The following CACNA2D1 variants were observed in gnomAD, a reference collection of about 807,000 sequenced individuals.
CACNA2D1 encodes the protein voltage-dependent calcium channel subunit alpha-2/delta-1.
Under a neutral mutation model 171.5 loss-of-function variants are expected in CACNA2D1, and 53 were observed. The ratio of observed to expected loss-of-function variants is 0.31; its 90% CI spans 0.25 to 0.39. The LOEUF (loss-of-function observed/expected upper bound fraction) is 0.39, where lower values mean the gene tolerates loss of function less well. CACNA2D1 is among the 10% of genes least tolerant of loss of function. The probability of loss-of-function intolerance (pLI) is 1.00; values close to 1 mark genes in which losing one functional copy is unlikely to be tolerated. For synonymous variants in CACNA2D1, 442 were observed against 443.1 expected, an observed-to-expected ratio of 1.00 and a Z score of 0.03; for missense variants, 903 against 1,299.8, an observed-to-expected ratio of 0.69 and a Z score of 4.69.
intron 5 of CACNA2D1, 86 bp downstream of exon 5, chr7:82,136,549 A>T: frequency 9.5e-7 from 1 of 1,048,898 alleles, no homozygotes; most frequent in Admixed American, 2.3e-5. Context: ...TTAAAAACTA[A>T]AACTGCTAGC....
At chr7:81,964,405 G>C (rs1341076902) in intron 32 of CACNA2D1, 46 bp from the exon 33 acceptor site, 2 of 1,516,202 alleles carry the variant, frequency 1.3e-6, no homozygotes, top group Non-Finnish European at 1.8e-6. Context: ...TAAAATGTAA[G>C]CCAAAAATGA....
intron 10 of CACNA2D1, among the ~76,000 whole-genome samples, chr7:82,053,642 C>T (rs1805479883): frequency 6.6e-6 from 1 of 152,154 alleles, no homozygotes. Flanking sequence ...TAATACGTAT[C>T]TCCAGAAGCA....
At chr7:82,133,904 C>G (rs1414243730) in intron 5 of CACNA2D1, among the ~76,000 whole-genome samples, 1 of 152,084 alleles carries the variant, frequency 6.6e-6, no homozygotes, top group South Asian at 2.1e-4. Context: ...AACCCCTTCT[C>G]TACTAAAAAA....
intron 25 of CACNA2D1, among the ~76,000 whole-genome samples, chr7:81,972,969 G>A (rs1795447786): frequency 6.6e-6 from 1 of 151,842 alleles, no homozygotes; most frequent in Middle Eastern, 3.2e-3. Flanking sequence ...TTTAGAAACT[G>A]AATCATTTAA....
At chr7:82,171,028 T>C (rs1024775809) in intron 3 of CACNA2D1, among the ~76,000 whole-genome samples, 5 of 152,060 alleles carry the variant, frequency 3.3e-5, no homozygotes, top group Admixed American at 2.6e-4. Context: ...CTAAACAATA[T>C]ACTAGGCACC....
intron 5 of CACNA2D1, among the ~76,000 whole-genome samples, chr7:82,135,140 T>A (rs1584873344): frequency 6.6e-6 from 1 of 152,010 alleles, no homozygotes; most frequent in Non-Finnish European, 1.5e-5. Context: ...CAATCCTTAA[T>A]TGGAGGATTG....
intron 3 of CACNA2D1, among the ~76,000 whole-genome samples, chr7:82,220,740 A>G (rs1585135908): frequency 1.3e-5 from 2 of 152,004 alleles, no homozygotes; most frequent in Middle Eastern, 3.4e-3. Flanking sequence ...TGATGCTACA[A>G]TAAAACTCGA....
chr7:82,114,582 A>C (rs1450552149), intron 6 of CACNA2D1, among the ~76,000 whole-genome samples: 1 of 151,858 alleles, frequency 6.6e-6, no homozygotes, highest in Non-Finnish European at 1.5e-5. Context: ...GTCTCTACTA[A>C]ATACAAAAAA....
intron 3 of CACNA2D1, among the ~76,000 whole-genome samples, chr7:82,179,298 A>T (rs1213405314): frequency 2.0e-5 from 3 of 152,052 alleles, no homozygotes; most frequent in African/African-American, 7.2e-5. Context: ...GGAAGGAATC[A>T]CTGTGGAGAA....
At chr7:82,091,194 G>A (rs1458317794) in intron 6 of CACNA2D1, among the ~76,000 whole-genome samples, 1 of 152,184 alleles carries the variant, frequency 6.6e-6, no homozygotes, top group African/African-American at 2.4e-5. Context: ...GTAAATGAAA[G>A]ATGAATAAGG....
At chr7:82,128,411 G>A (rs258692) in intron 5 of CACNA2D1, among the ~76,000 whole-genome samples, 42,375 of 151,964 alleles carry the variant, frequency 0.28, 6,068 homozygotes, top group East Asian at 0.43. Context: ...TGCTCTAAGT[G>A]GAGGAACGTA....
At chr7:82,319,176 ATTG>A (rs1408148621) in intron 3 of CACNA2D1, among the ~76,000 whole-genome samples, 2 of 152,214 alleles carry the variant, frequency 1.3e-5, no homozygotes, top group Non-Finnish European at 1.5e-5. Flanking sequence ...CACATAAAAA[ATTG>A]TTATTAAGAC....
At chr7:82,288,028 G>T (rs1238035347) in intron 3 of CACNA2D1, among the ~76,000 whole-genome samples, 2 of 147,570 alleles carry the variant, frequency 1.4e-5, no homozygotes, top group Middle Eastern at 6.5e-3. Context: ...TTTTAGTAGA[G>T]ATGGGGTTTC....
intron 1 of CACNA2D1, among the ~76,000 whole-genome samples, chr7:82,428,088 T>C: frequency 7.2e-6 from 1 of 138,736 alleles, no homozygotes; most frequent in South Asian, 2.2e-4. Flanking sequence ...ATCTTGTCTT[T>C]AAAAAAATAA....
intron 7 of CACNA2D1, among the ~76,000 whole-genome samples, chr7:82,074,743 G>A (rs1391605520): frequency 6.6e-6 from 1 of 151,956 alleles, no homozygotes; most frequent in Non-Finnish European, 1.5e-5. Context: ...TAATTACACT[G>A]ATCTAATCAA....
chr7:82,355,410 T>C (rs1293149620), intron 1 of CACNA2D1, among the ~76,000 whole-genome samples: 1 of 152,156 alleles, frequency 6.6e-6, no homozygotes, highest in Non-Finnish European at 1.5e-5. Context: ...TTGTTAGAAA[T>C]GTATATTCCC....
intron 3 of CACNA2D1, among the ~76,000 whole-genome samples, chr7:82,270,851 T>C (rs751883999): frequency 3.3e-5 from 5 of 152,166 alleles, no homozygotes; most frequent in Non-Finnish European, 7.4e-5. Flanking sequence ...TATTTCATTA[T>C]GTCCTTTGTC....
rs80020757 is a variant in CACNA2D1, at chr7:82,207,528, TA to T, written c.295-36920del. Reference sequence around the variant, plus strand: ...TGTTTGATTAGAGAAGATTTGAGGTTAAAAAAAAAAAAGTATGCATTACTGT... The same window carrying T: ...TGTTTGATTAGAGAAGATTTGAGGTTAAAAAAAAAAAGTATGCATTACTGT... On this transcript the variant is annotated intron_variant, in intron 3 of 38. Transcript: ENST00000356860. 5.1e-3 allele frequency among the ~76,000 whole-genome samples: 738 copies of T among 145,754 alleles called. 2 individuals are homozygous for T. Among genetic ancestry groups the T allele is most frequent in the East Asian group, 0.011 (53 of 5,022 alleles).
chr7:82,224,281 T>G (rs2129260772), intron 3 of CACNA2D1, among the ~76,000 whole-genome samples: 1 of 152,242 alleles, frequency 6.6e-6, no homozygotes, highest in Middle Eastern at 3.4e-3. Flanking sequence ...TATCAGAAAC[T>G]TAAAAATAAG....
Sources: allele counts gnomAD v4.1 joint callset (sites outside exome capture counted in the v4.1 genomes callset), GRCh38; gene constraint gnomAD v4.1.1; transcripts MANE v1.5; gene names NCBI Gene and HGNC (gene_info 2026-07-23, HGNC 2026-07-21).